OSBP2: variants seen among roughly 807,000 people sequenced by gnomAD.
The protein encoded by OSBP2 is oxysterol binding protein 2, also known as oxysterol-binding protein 2.
In OSBP2, 66 loss-of-function variants were observed where a neutral mutation model predicts 96.0. That is an observed-to-expected ratio of 0.69 (90% CI 0.56 to 0.84). OSBP2 has a LOEUF of 0.84. Ranked by LOEUF, OSBP2 falls within the 40% of genes least tolerant of loss-of-function variation. The probability of loss-of-function intolerance (pLI) is 0.00; values close to 1 mark genes in which losing one functional copy is unlikely to be tolerated. For missense variants in OSBP2, 1,038 were observed against 1,222.7 expected (o/e 0.85, Z 2.25); for synonymous variants, 525 against 520.9 (o/e 1.01, Z -0.11).
Position 30,889,587 on chromosome 22 carries a change from G to T in OSBP2, c.1574G>T (p.Ser525Ile). The change falls in exon 7 of 14, where the codon AGC becomes ATC. Residue 525 changes from serine to isoleucine, a missense_variant. Transcript: ENST00000332585. ...NKPNYSLNLW[S>I]IMKNCIGREL... ...CCCAACTACAGCCTTAACCTCTGGA[G>T]CATCATGAAGAACTGCATCGGCCGG... 6.2e-7 allele frequency: 1 copy of T among 1,614,092 alleles called. No homozygotes were observed. Among genetic ancestry groups the T allele is most frequent in the South Asian group, 1.1e-5 (1 of 91,082 alleles).
chr22:30,825,914 C>T (rs1467037932), intron 2 of OSBP2, among the ~76,000 whole-genome samples: 1 of 152,132 alleles, frequency 6.6e-6, no homozygotes, highest in East Asian at 1.9e-4. Context: ...TGATGTGTCT[C>T]AGAAACAGGA....
At chr22:30,889,787 C>A in intron 7 of OSBP2, 151 bp downstream of exon 7, 1 of 721,618 alleles carries the variant, frequency 1.4e-6, no homozygotes, top group Non-Finnish European at 2.3e-6. Context: ...ATTATCTAAT[C>A]GTGCACATAG....
chr22:30,868,256 C>T (rs965797697), intron 2 of OSBP2, among the ~76,000 whole-genome samples: 2 of 152,260 alleles, frequency 1.3e-5, no homozygotes, highest in Admixed American at 6.5e-5. Context: ...AACCCTGCCC[C>T]TCAATAGCTG....
chr22:30,757,010 C>T (rs1314637483), intron 2 of OSBP2, among the ~76,000 whole-genome samples: 2 of 150,168 alleles, frequency 1.3e-5, no homozygotes, highest in African/African-American at 5.1e-5. Flanking sequence ...GCAGACCACA[C>T]TCCTCAAACG....
Position 30,881,917 on chromosome 22 carries a change from T to C in OSBP2, c.1108-5509T>C. 1 of 905,932 alleles carries C rather than the reference T, an allele frequency of 1.1e-6. No homozygotes were observed. Among genetic ancestry groups the C allele is most frequent in the Non-Finnish European group, 1.5e-6 (1 of 652,026 alleles). 56.1% of individuals were successfully genotyped at this position (905,932 alleles called of 1,614,324 possible). A position where few individuals can be genotyped will look rare whatever the true frequency, so the allele number is the denominator to read the frequency against. On this transcript the variant is annotated intron_variant, in intron 3 of 13. Transcript: ENST00000332585. The surrounding 1 kb of genome is among the most constrained non-coding windows in gnomAD (Gnocchi z 4.5). ...GGGTGCAGCCACATGAGGCCTTTGA[T>C]ATTAGGGCACAGCAGTTTTCACCCT...
intron 2 of OSBP2, among the ~76,000 whole-genome samples, chr22:30,761,154 GAAGA>G (rs1360524705): frequency 1.3e-5 from 2 of 152,150 alleles, no homozygotes; most frequent in African/African-American, 4.8e-5. Flanking sequence ...CTCAGATTGG[GAAGA>G]AAGAAACAGA....
intron 2 of OSBP2, among the ~76,000 whole-genome samples, chr22:30,803,806 GTGTGTGTGTGTGTA>G (rs2090889737): frequency 7.2e-6 from 1 of 139,086 alleles, no homozygotes; most frequent in Non-Finnish European, 1.5e-5. Flanking sequence ...TGCCAGTGGG[GTGTGTGTGTGTGTA>G]TGTGTGTGTG....
rs369187745 is a variant in OSBP2, at chr22:30,741,317, C to T, written c.801C>T (p.Thr267=). 135 of 1,613,364 alleles carry T rather than the reference C, an allele frequency of 8.4e-5. No homozygotes were observed. The highest frequency in any genetic ancestry group is 1.1e-4 in the Non-Finnish European group (131 of 1,180,038). ...AGGTGGACCGGCAGCAGTGGATCAC[C>T]GCCCTGGAGCTGGCCAAGGCCAAGG... is the stretch of plus-strand genomic sequence containing the variant. ...SSEVDRQQWI[T]ALELAKAKAV... is the part of the protein sequence containing the mutation. Residue 267 remains threonine, a synonymous_variant, in exon 2 of 14, where the codon ACC becomes ACT. Transcript: ENST00000332585.
chr22:30,771,430 G>T (rs936353774), intron 2 of OSBP2, among the ~76,000 whole-genome samples: 22 of 152,252 alleles, frequency 1.4e-4, no homozygotes, highest in Admixed American at 1.4e-3. Flanking sequence ...GATGAGCACA[G>T]GAAGGGCTGA....
intron 2 of OSBP2, among the ~76,000 whole-genome samples, chr22:30,815,208 AG>A (rs950979863): frequency 3.3e-4 from 50 of 152,224 alleles, no homozygotes; most frequent in Middle Eastern, 3.2e-3. Context: ...GCTTGAGCCC[AG>A]GAGGCAGATA....
chr22:30,906,033 G>A lies in OSBP2; in HGVS notation c.2572G>A (p.Ala858Thr). ...CCTGTCGCGGCGCCGGCGGCTGGAGGCCTGCGGGCCGGGCAGCAGCTGCAG... is the reference window on the plus strand; with the variant it reads ...CCTGTCGCGGCGCCGGCGGCTGGAGACCTGCGGGCCGGGCAGCAGCTGCAG... ...QRLSRRRRLEACGPGSSCSSE... is the reference protein window; with the variant it reads ...QRLSRRRRLETCGPGSSCSSE... Residue 858 changes from alanine to threonine, a missense_variant, in exon 13 of 14, where the codon GCC (alanine) becomes ACC (threonine). Physicochemically the swap from Ala to Thr is moderately conservative, Grantham distance 58. This residue lies in a region of OSBP2 where 737 missense variants were observed against 913.3 expected (regional missense o/e 0.81). Coordinates refer to ENST00000332585, the MANE Select transcript of OSBP2 (RefSeq NM_030758.4). 1.3e-6 allele frequency: 2 copies of A among 1,567,384 alleles called. No individual in the cohort carries two copies. The highest frequency in any genetic ancestry group is 1.7e-6 in the Non-Finnish European group (2 of 1,158,202).
chr22:30,725,570 C>A (rs1273442160), intron 1 of OSBP2, among the ~76,000 whole-genome samples: 3 of 150,198 alleles, frequency 2.0e-5, no homozygotes, highest in South Asian at 2.1e-4. Flanking sequence ...ACAAAAAAAA[C>A]AAATTCTAGT....
chr22:30,893,439 C>T lies in OSBP2; in HGVS notation c.1991-24C>T, dbSNP rs1020656794. 10 of 1,597,284 alleles carry T rather than the reference C, an allele frequency of 6.3e-6. No homozygotes were observed. In the African/African-American group the frequency reaches 1.3e-4, roughly 21 times the overall value. On this transcript the variant is annotated intron_variant, in intron 9 of 13. Coordinates refer to ENST00000332585, the MANE Select transcript of OSBP2 (RefSeq NM_030758.4). ...AGAGCCCTGCATGGGGGGGCATGAC[C>T]TCTGACCTGTCCCCTGCCTCCAGGT...
intron 2 of OSBP2, among the ~76,000 whole-genome samples, chr22:30,856,373 CTTTTTTTTTTTTTT>C (rs56875088): frequency 4.1e-4 from 42 of 101,434 alleles, no homozygotes; most frequent in African/African-American, 1.4e-3. Context: ...CAGAGCCCTT[CTTTTTTTTTTTTTT>C]TTTTTTTTTT....
chr22:30,862,638 C>T (rs1319385231), intron 2 of OSBP2, among the ~76,000 whole-genome samples: 1 of 151,618 alleles, frequency 6.6e-6, no homozygotes, highest in African/African-American at 2.4e-5. Flanking sequence ...CGAGATCGTG[C>T]CACTGTACTC....
chr22:30,808,070 G>T (rs147994546), intron 2 of OSBP2, among the ~76,000 whole-genome samples: 1 of 152,196 alleles, frequency 6.6e-6, no homozygotes, highest in Non-Finnish European at 1.5e-5. Context: ...GATTACAGGT[G>T]TGAGCCACTA....
intron 2 of OSBP2, among the ~76,000 whole-genome samples, chr22:30,775,729 A>T (rs1160187578): frequency 2.6e-5 from 4 of 152,196 alleles, no homozygotes; most frequent in Non-Finnish European, 5.9e-5. Context: ...TGTTGTTTTC[A>T]ATTTTTAATT....
At chr22:30,879,219 G>A (rs1454069886) in intron 3 of OSBP2, among the ~76,000 whole-genome samples, 1 of 152,240 alleles carries the variant, frequency 6.6e-6, no homozygotes, top group African/African-American at 2.4e-5. Context: ...GGCCTGTGGG[G>A]CAGGTTTCTG....
intron 1 of OSBP2, among the ~76,000 whole-genome samples, chr22:30,726,561 A>G (rs5753292): frequency 0.13 from 19,857 of 152,058 alleles, 2,029 homozygotes; most frequent in East Asian, 0.39. Context: ...ACGGGTTGAT[A>G]GGTGCAGCAG....
Sources: allele counts gnomAD v4.1 joint callset (sites outside exome capture counted in the v4.1 genomes callset), GRCh38; gene constraint gnomAD v4.1.1; regional missense constraint gnomAD v4.1.1; non-coding constraint Gnocchi (gnomAD v3.1); transcripts MANE v1.5; gene names NCBI Gene and HGNC (gene_info 2026-07-23, HGNC 2026-07-21).